Variants in CCNT1 observed in about 807,000 individuals in gnomAD.
CCNT1 encodes cyclin T1.
CCNT1 carries 18 observed loss-of-function variants against 67.3 expected under a neutral mutation model. The ratio of observed to expected loss-of-function variants is 0.27; its 90% CI spans 0.18 to 0.40. The LOEUF is 0.40. Ranked by LOEUF, CCNT1 falls within the 10% of genes least tolerant of loss-of-function variation. The pLI is 1.00. For synonymous variants in CCNT1, 333 were observed against 310.3 expected (o/e 1.07, Z -0.77); for missense variants, 744 against 884.9 (o/e 0.84, Z 2.02).
chr12:48,716,497 C>G lies in CCNT1; in HGVS notation c.161+18G>C. The G allele has an allele frequency of 6.2e-7, 1 of 1,605,432 alleles. No individual in the cohort carries two copies. The highest frequency in any genetic ancestry group is 8.5e-7 in the Non-Finnish European group (1 of 1,174,638). ...GCGGGACCAACTCCAAGGCCGAAGGCCTAGGCCACAAGGATACACGTTAAG... is the reference window on the plus strand; with the variant it reads ...GCGGGACCAACTCCAAGGCCGAAGGGCTAGGCCACAAGGATACACGTTAAG... On this transcript the variant is annotated intron_variant, in intron 1 of 8. Transcript: ENST00000261900.
chr12:48,703,503 G>T (rs1468586989), intron 3 of CCNT1, among the ~76,000 whole-genome samples: 1 of 152,112 alleles, frequency 6.6e-6, no homozygotes, highest in South Asian at 2.1e-4. Flanking sequence ...AACCCAGGAG[G>T]GGGAGGTTGC....
Position 48,703,154 on chromosome 12 carries a change from C to G in CCNT1, c.373-2081G>C, listed in dbSNP as rs137881266. 4.2e-3 allele frequency among the ~76,000 whole-genome samples: 643 copies of G among 152,172 alleles called. 1 individual carries two copies. The highest frequency in any genetic ancestry group is 0.014 in the African/African-American group (594 of 41,526). Reference sequence around the variant, plus strand: ...GGGTGGCCGGGTGCAGTGGCTCACACCTGTAATCCCAGCACTTTGGGAGGC... The same window carrying G: ...GGGTGGCCGGGTGCAGTGGCTCACAGCTGTAATCCCAGCACTTTGGGAGGC... On this transcript the variant is annotated intron_variant, in intron 3 of 8. Transcript: ENST00000261900.
chr12:48,705,876 C>T lies in CCNT1; in HGVS notation c.264G>A (p.Leu88=). 1 of 1,613,492 alleles carries T rather than the reference C, an allele frequency of 6.2e-7. No homozygotes were observed. The highest frequency in any genetic ancestry group is 1.7e-5 in the Admixed American group (1 of 59,804). The stretch of plus-strand genomic sequence containing the variant: ...GCTCCTCCACTTTAGCTGCTAGAAA[C>T]AAGGCTGCTGGAGCCACAGACTGAA... ...FPGNSVAPAA[L]FLAAKVEEQP... The change falls in exon 3 of 9, where the codon TTG becomes TTA. Residue 88 remains leucine, a synonymous_variant. Transcript: ENST00000261900.
chr12:48,699,425 G>A (rs1018749027), intron 5 of CCNT1, among the ~76,000 whole-genome samples: 4 of 152,114 alleles, frequency 2.6e-5, no homozygotes, highest in African/African-American at 9.7e-5. Flanking sequence ...ATCATGGAAA[G>A]TCCAAATAAA....
intron 8 of CCNT1, among the ~76,000 whole-genome samples, chr12:48,694,772 A>C (rs1940143113): frequency 6.6e-6 from 1 of 152,208 alleles, no homozygotes; most frequent in Non-Finnish European, 1.5e-5. Flanking sequence ...TTTTATGCTA[A>C]AGTAAAAGAT....
intron 3 of CCNT1, among the ~76,000 whole-genome samples, chr12:48,705,172 T>C (rs1247178179): frequency 6.6e-6 from 1 of 152,206 alleles, no homozygotes; most frequent in Non-Finnish European, 1.5e-5. Context: ...CCTGCAGTGG[T>C]GTGATCATGG....
intron 3 of CCNT1, chr12:48,705,563 A>G (rs1290363750): frequency 1.8e-6 from 1 of 547,596 alleles, no homozygotes; most frequent in African/African-American, 1.9e-5. Context: ...ATGGTGAGCC[A>G]CCATACCTGG....
chr12:48,713,312 C>T (rs899975873), intron 2 of CCNT1, among the ~76,000 whole-genome samples: 1 of 151,230 alleles, frequency 6.6e-6, no homozygotes, highest in African/African-American at 2.4e-5. Context: ...TGTGATTATA[C>T]ATAAGAATGA....
At position 48,691,812 on chromosome 12, in the gene CCNT1, C is replaced by T. The variant is rs193149143; in HGVS notation, c.*1221G>A. The T allele has an allele frequency of 3.3e-5, 5 of 152,260 alleles. No homozygotes were observed. The highest frequency in any genetic ancestry group is 1.3e-4 in the Admixed American group (2 of 15,280). 9.4% of individuals were successfully genotyped at this position (152,260 alleles called of 1,614,324 possible). A position where few individuals can be genotyped will look rare whatever the true frequency, so the allele number is the denominator to read the frequency against. ...ACTTGAGGATGTAGCTGTTTCCCTT[C>T]GGATATACACATAAAAAGCATGTCT... is the stretch of plus-strand genomic sequence containing the variant. On this transcript the variant is annotated 3_prime_UTR_variant, in exon 9 of 9. Coordinates refer to ENST00000261900, the MANE Select transcript of CCNT1 (RefSeq NM_001240.4).
chr12:48,701,162 A>C, intron 3 of CCNT1, 89 bp from the exon 4 acceptor site: 1 of 662,510 alleles, frequency 1.5e-6, no homozygotes, highest in Non-Finnish European at 2.6e-6. Context: ...GGGAAACCAA[A>C]ACAATAAAAG....
chr12:48,705,712 G>A (rs1383385160), intron 3 of CCNT1, 56 bp downstream of exon 3: 14 of 1,409,144 alleles, frequency 9.9e-6, no homozygotes, highest in South Asian at 1.3e-5. Context: ...TGGGAGTAGG[G>A]AAAAAAAAAG....
In CCNT1 at chr12:48,693,467, C is replaced by T; in HGVS notation, c.1747G>A (p.Ala583Thr). The T allele has an allele frequency of 6.2e-7, 1 of 1,614,208 alleles. No individual in the cohort carries two copies. The change falls in exon 9 of 9, where the codon GCT becomes ACT. Residue 583 changes from alanine (A) to threonine (T), a missense_variant. Ala to Thr is a moderately conservative substitution (Grantham distance 58). This residue lies in a region of CCNT1 where 564 missense variants were observed against 574.2 expected (regional missense o/e 0.98). Transcript: ENST00000261900. ...KRGPSEETGGAVFDHPAKIAK... is the reference protein window; with the variant it reads ...KRGPSEETGGTVFDHPAKIAK... Reference sequence around the variant, plus strand: ...ATCTTGGCTGGATGATCAAACACAGCCCCTCCAGTCTCTTCAGAGGGTCCC... The same window carrying T: ...ATCTTGGCTGGATGATCAAACACAGTCCCTCCAGTCTCTTCAGAGGGTCCC...
intron 4 of CCNT1, among the ~76,000 whole-genome samples, chr12:48,700,318 CAAA>C (rs372908471): frequency 4.9e-5 from 4 of 82,296 alleles, no homozygotes; most frequent in Admixed American, 3.2e-4. Context: ...GACTCCGTCT[CAAA>C]AAAAAAAAAA....
chr12:48,697,855 A>ATATATATAT (rs1482513946), intron 6 of CCNT1: 5 of 71,962 alleles, frequency 6.9e-5, no homozygotes, highest in Admixed American at 3.4e-4. Flanking sequence ...AAAAAAAAAA[A>ATATATATAT]ATATATATAT....
At chr12:48,708,147 G>A (rs746186425) in intron 2 of CCNT1, among the ~76,000 whole-genome samples, 12 of 152,204 alleles carry the variant, frequency 7.9e-5, no homozygotes, top group Non-Finnish European at 1.6e-4. Context: ...GGCCAAAGCA[G>A]GAGAATCACT....
At chr12:48,711,769 A>T (rs1185874956) in intron 2 of CCNT1, among the ~76,000 whole-genome samples, 1 of 152,112 alleles carries the variant, frequency 6.6e-6, no homozygotes, top group African/African-American at 2.4e-5. Context: ...AAGAAAGCCA[A>T]CCTGGGTGGA....
intron 6 of CCNT1, 45 bp from the exon 7 acceptor site, chr12:48,696,207 T>A: frequency 1.1e-6 from 1 of 945,838 alleles, no homozygotes; most frequent in African/African-American, 2.0e-5. Flanking sequence ...GAGCTCTCAA[T>A]TCTCAGCCCA....
At chr12:48,711,466 T>C (rs976106501) in intron 2 of CCNT1, among the ~76,000 whole-genome samples, 4 of 152,104 alleles carry the variant, frequency 2.6e-5, no homozygotes, top group African/African-American at 9.7e-5. Flanking sequence ...GTGGACAAAC[T>C]GATTTGAGAG....
chr12:48,709,312 G>A (rs1391444712), intron 2 of CCNT1, among the ~76,000 whole-genome samples: 1 of 152,140 alleles, frequency 6.6e-6, no homozygotes, highest in East Asian at 1.9e-4. Flanking sequence ...GTTTGTTAGG[G>A]TGGAAAGAAA....
Sources: allele counts gnomAD v4.1 joint callset (sites outside exome capture counted in the v4.1 genomes callset), GRCh38; gene constraint gnomAD v4.1.1; regional missense constraint gnomAD v4.1.1; transcripts MANE v1.5; gene names NCBI Gene and HGNC (gene_info 2026-07-23, HGNC 2026-07-21).